CDKAL1: variants seen among roughly 807,000 people sequenced by gnomAD.
CDKAL1 encodes the protein CDKAL1 threonylcarbamoyladenosine tRNA methylthiotransferase.
CDKAL1 carries 32 observed loss-of-function variants against 68.2 expected under a neutral mutation model. The ratio of observed to expected loss-of-function variants is 0.47; its 90% confidence interval spans 0.35 to 0.63. The LOEUF (loss-of-function observed/expected upper bound fraction) is 0.63. Ranked by LOEUF, CDKAL1 falls within the 30% of genes least tolerant of loss-of-function variation. CDKAL1 has a pLI of 0.00. For missense variants in CDKAL1, 606 were observed against 696.7 expected, an observed-to-expected ratio of 0.87 and a Z score of 1.47; for synonymous variants, 234 against 244.3, an observed-to-expected ratio of 0.96 and a Z score of 0.39.
Position 20,781,183 on chromosome 6 carries a change from G to A in CDKAL1, c.556G>A (p.Gly186Arg). 2 of 1,613,894 alleles carry A rather than the reference G, an allele frequency of 1.2e-6. No individual in the cohort carries two copies. The highest frequency in any genetic ancestry group is 1.1e-5 in the South Asian group (1 of 91,034). The change falls in exon 8 of 16, where the codon GGA (glycine) becomes AGA (arginine). Residue 186 changes from glycine (G) to arginine (R), a missense_variant. Coordinates refer to ENST00000274695, the MANE Select transcript of CDKAL1 (RefSeq NM_017774.3). Reference sequence around the variant, plus strand: ...ACTGCTGGGTCAGAAAAAGGATAATGGAAGGCGGCTTGGGGGAGCACGATT... The same window carrying A: ...ACTGCTGGGTCAGAAAAAGGATAATAGAAGGCGGCTTGGGGGAGCACGATT... ...VRLLGQKKDN[G>R]RRLGGARLDL...
intron 15 of CDKAL1, among the ~76,000 whole-genome samples, chr6:21,206,934 T>TGTA: frequency 6.6e-6 from 1 of 152,042 alleles, no homozygotes; most frequent in Non-Finnish European, 1.5e-5. Context: ...AATTTCTTTT[T>TGTA]TTTTTCTTTT....
intron 9 of CDKAL1, among the ~76,000 whole-genome samples, chr6:20,862,660 T>TGCGC (rs372549461): frequency 1.0e-4 from 15 of 147,328 alleles, no homozygotes; most frequent in Admixed American, 2.7e-4. Context: ...TGTGTGTGTG[T>TGCGC]GTGCGCGCGT....
chr6:20,964,777 C>T (rs2150743405), intron 10 of CDKAL1, among the ~76,000 whole-genome samples: 1 of 152,168 alleles, frequency 6.6e-6, no homozygotes, highest in Admixed American at 6.5e-5. Context: ...ACCCATGTAC[C>T]CCTGAACTTA....
intron 13 of CDKAL1, among the ~76,000 whole-genome samples, chr6:21,149,927 G>A (rs1454011991): frequency 1.3e-5 from 2 of 152,100 alleles, no homozygotes; most frequent in African/African-American, 2.4e-5. Context: ...GCGCTGTCTC[G>A]GCTCAGTGCA....
Position 20,997,358 on chromosome 6 carries a change from G to T in CDKAL1, c.910-2869G>T, listed in dbSNP as rs78680014. ...AAGCAAAACAAAAAATACATACTTT[G>T]TCTCCTTGGGGACATTAATCTGTGT... On this transcript the variant is annotated intron_variant, in intron 10 of 15. Coordinates refer to ENST00000274695, the MANE Select transcript of CDKAL1 (RefSeq NM_017774.3). Among the ~76,000 whole-genome samples the T allele has an allele frequency of 9.0e-3, 1,367 of 152,242 alleles. 29 individuals carry two copies. Among genetic ancestry groups the T allele is most frequent in the African/African-American group, 0.03 (1,253 of 41,538 alleles).
At chr6:20,688,426 GTTTT>G (rs770282412) in intron 5 of CDKAL1, among the ~76,000 whole-genome samples, 1 of 145,432 alleles carries the variant, frequency 6.9e-6, no homozygotes, top group African/African-American at 2.5e-5. Flanking sequence ...GGTTTCTTTC[GTTTT>G]TTTTTTGTTT....
At chr6:20,971,085 G>A (rs1765575987) in intron 10 of CDKAL1, among the ~76,000 whole-genome samples, 1 of 152,216 alleles carries the variant, frequency 6.6e-6, no homozygotes, top group African/African-American at 2.4e-5. Flanking sequence ...CTGACCTCGT[G>A]ATCTGCCTGC....
chr6:20,603,869 C>T (rs915248577), intron 4 of CDKAL1, among the ~76,000 whole-genome samples: 20 of 149,482 alleles, frequency 1.3e-4, no homozygotes, highest in Admixed American at 1.2e-3. Flanking sequence ...CTCCACCTCC[C>T]GGGTTCAAGC....
intron 9 of CDKAL1, among the ~76,000 whole-genome samples, chr6:20,946,166 C>T (rs951029628): frequency 1.3e-5 from 2 of 152,146 alleles, no homozygotes; most frequent in African/African-American, 4.8e-5. Flanking sequence ...GCTTGAGCCC[C>T]TTATAACAAC....
At chr6:20,961,880 C>A (rs898126915) in intron 10 of CDKAL1, among the ~76,000 whole-genome samples, 27 of 151,634 alleles carry the variant, frequency 1.8e-4, no homozygotes, top group African/African-American at 6.3e-4. Context: ...ACATGTATAA[C>A]AAGCCTGCAC....
chr6:20,731,995 T>C (rs554238259), intron 5 of CDKAL1, among the ~76,000 whole-genome samples: 1 of 152,240 alleles, frequency 6.6e-6, no homozygotes, highest in African/African-American at 2.4e-5. Context: ...GCAGCCAGCC[T>C]GGTAGGACTC....
intron 8 of CDKAL1, among the ~76,000 whole-genome samples, chr6:20,794,010 T>C (rs887305352): frequency 6.6e-6 from 1 of 151,694 alleles, no homozygotes; most frequent in Non-Finnish European, 1.5e-5. Flanking sequence ...CTTATACATA[T>C]ATATCTTAAA....
chr6:20,888,176 C>T (rs187725123), intron 9 of CDKAL1, among the ~76,000 whole-genome samples: 4 of 152,040 alleles, frequency 2.6e-5, no homozygotes, highest in Admixed American at 6.5e-5. Flanking sequence ...AGCCCTGTGT[C>T]CAGGTGTTCT....
Position 21,230,916 on chromosome 6 carries a change from C to T in CDKAL1, c.1617C>T (p.Asp539=). 4 of 1,614,112 alleles carry T rather than the reference C, an allele frequency of 2.5e-6. No individual in the cohort carries two copies. Among genetic ancestry groups the T allele is most frequent in the East Asian group, 2.2e-5 (1 of 44,888 alleles). Residue 539 remains aspartate, a synonymous_variant, in exon 16 of 16, where the codon GAC becomes GAT. Coordinates refer to ENST00000274695, the MANE Select transcript of CDKAL1 (RefSeq NM_017774.3). ...ACACCTCTGCTGCATCTCAGTGTGA[C>T]TCAGCGAGTTCCAGAATGGTGCTGC... The part of the protein sequence containing the change: ...GSHTSAASQC[D]SASSRMVLPM...
At chr6:20,784,206 C>T (rs376208899) in intron 8 of CDKAL1, among the ~76,000 whole-genome samples, 11 of 148,250 alleles carry the variant, frequency 7.4e-5, no homozygotes, top group African/African-American at 2.2e-4. Flanking sequence ...AGCTAGACTC[C>T]GTCTTAAAAA....
At chr6:21,025,801 C>A (rs545740836) in intron 11 of CDKAL1, among the ~76,000 whole-genome samples, 1 of 152,154 alleles carries the variant, frequency 6.6e-6, no homozygotes, top group South Asian at 2.1e-4. Flanking sequence ...CTTGCTAATT[C>A]ATCTGCTTGC....
At chr6:21,011,225 G>A (rs564682987) in intron 11 of CDKAL1, among the ~76,000 whole-genome samples, 3 of 138,996 alleles carry the variant, frequency 2.2e-5, no homozygotes, top group African/African-American at 8.0e-5. Flanking sequence ...AAAAAAAATA[G>A]ACAAAAAAAT....
At chr6:20,731,555 A>G (rs1242232205) in intron 5 of CDKAL1, among the ~76,000 whole-genome samples, 1 of 152,200 alleles carries the variant, frequency 6.6e-6, no homozygotes, top group Non-Finnish European at 1.5e-5. Flanking sequence ...TTGATGCTGA[A>G]TTTTTAAATC....
At chr6:20,900,973 A>T (rs528763756) in intron 9 of CDKAL1, among the ~76,000 whole-genome samples, 1 of 152,222 alleles carries the variant, frequency 6.6e-6, no homozygotes, top group African/African-American at 2.4e-5. Flanking sequence ...CTGAAAATCA[A>T]TGAGACGTGT....
Sources: gnomAD v4.1 joint callset for allele counts (sites outside exome capture counted in the v4.1 genomes callset) on GRCh38, gnomAD v4.1.1 for gene constraint, MANE v1.5 for transcripts, NCBI Gene and HGNC (gene_info 2026-07-23, HGNC 2026-07-21) for gene names.